The following MRPL28 variants were observed in gnomAD, a reference collection of about 807,000 sequenced individuals.
The protein encoded by MRPL28 is large ribosomal subunit protein bL28m.
MRPL28 carries 25 observed loss-of-function variants against 26.2 expected under a neutral mutation model. The observed-to-expected ratio is 0.95, with a 90% CI of 0.69 to 1.33. The LOEUF is 1.33. Among genes scored for constraint, MRPL28 ranks in the 40% most tolerant of loss-of-function variants. MRPL28 has a pLI of 0.00. For synonymous variants in MRPL28, 227 were observed against 140.1 expected, an observed-to-expected ratio of 1.62 and a Z score of -4.38; for missense variants, 432 against 327.2, an observed-to-expected ratio of 1.32 and a Z score of -2.47.
Position 370,207 on chromosome 16 carries a change from G to A in MRPL28, c.12C>T (p.His4=), listed in dbSNP as rs779957616. 2 of 1,585,870 alleles carry A rather than the reference G, an allele frequency of 1.3e-6. No homozygotes were observed. Among genetic ancestry groups the A allele is most frequent in the African/African-American group, 2.7e-5 (2 of 74,350 alleles). ...GCTTCCAGAGCCACACGGGATACTT[G>A]TGTAGAGGCATCGCGAGCCTGGCGG... MPL[H]KYPVWLWKRL... The change falls in exon 2 of 6, where the codon CAC becomes CAT. Residue 4 remains histidine, a synonymous_variant. Coordinates refer to ENST00000199706, the MANE Select transcript of MRPL28 (RefSeq NM_006428.5).
rs780291007 is a variant in MRPL28, at chr16:367,720, T to C, written c.726A>G (p.Ala242=). 69 of 1,613,856 alleles carry C rather than the reference T, an allele frequency of 4.3e-5. No homozygotes were observed. Among genetic ancestry groups the C allele is most frequent in the Non-Finnish European group, 5.7e-5 (67 of 1,180,020 alleles). ...TCTGCACCACCGCCGGCTCTGACAGTGCCTGCTGCTGCAGCTGCTGGATCA... is the reference window on the plus strand; with the variant it reads ...TCTGCACCACCGCCGGCTCTGACAGCGCCTGCTGCTGCAGCTGCTGGATCA... ...AELIQQLQQQ[A]LSEPAVVQKR... is the part of the protein sequence containing the mutation. Residue 242 remains alanine (A), a synonymous_variant, in exon 6 of 6, where the codon GCA becomes GCG. Transcript: ENST00000199706.
In MRPL28 at chr16:368,629, T is replaced by C. The variant is rs1477264286; in HGVS notation, c.448A>G (p.Lys150Glu). The part of the protein sequence containing the change: ...GLDFYILKTP[K>E]EDLCSKFGMD... ...CCAAACTTGGAGCACAGGTCCTCCTTCGGGGTCTGGCAGAAGGCTCACATG... is the reference window on the plus strand; with the variant it reads ...CCAAACTTGGAGCACAGGTCCTCCTCCGGGGTCTGGCAGAAGGCTCACATG... Residue 150 changes from lysine to glutamate, a missense_variant, in exon 4 of 6, where the codon AAG becomes GAG. Lys to Glu is a moderately conservative substitution (Grantham distance 56). Coordinates refer to ENST00000199706, the MANE Select transcript of MRPL28 (RefSeq NM_006428.5). The C allele has an allele frequency of 7.1e-6, 11 of 1,555,762 alleles. No homozygotes were observed. The African/African-American group carries it at 1.5e-4, about 21-fold the overall frequency.
Position 367,741 on chromosome 16 carries a change from G to C in MRPL28, c.705C>G (p.Ile235Met). 1.2e-6 allele frequency: 2 copies of C among 1,613,854 alleles called. No homozygotes were observed. Among genetic ancestry groups the C allele is most frequent in the Middle Eastern group, 1.6e-4 (1 of 6,062 alleles). ...ACAGTGCCTGCTGCTGCAGCTGCTG[G>C]ATCAGCTCCGCCACATAGATCTTGA... is the stretch of plus-strand genomic sequence containing the variant. Reference protein sequence around the residue: ...PLFKIYVAELIQQLQQQALSE... With the variant: ...PLFKIYVAELMQQLQQQALSE... Residue 235 changes from isoleucine (I) to methionine (M), a missense_variant, in exon 6 of 6, where the codon ATC becomes ATG. Coordinates refer to ENST00000199706, the MANE Select transcript of MRPL28 (RefSeq NM_006428.5).
Position 367,299 on chromosome 16 carries a change from G to A in MRPL28, c.*376C>T, listed in dbSNP as rs188853867. On this transcript the variant is annotated 3_prime_UTR_variant, in exon 6 of 6. Coordinates refer to ENST00000199706, the MANE Select transcript of MRPL28 (RefSeq NM_006428.5). ...GGGCACAGCCAGAGTCAATGCCCAC[G>A]GCTCATCCGAGGTCTCAGGGGCAGC... The A allele has an allele frequency of 4.3e-4, 260 of 601,696 alleles. No homozygotes were observed. Among genetic ancestry groups the A allele is most frequent in the Admixed American group, 2.0e-3 (68 of 34,436 alleles). The allele number at this position is 601,696 out of a possible 1,614,324, so 37.3% of individuals were successfully genotyped here.
At chr16:369,744 A>C in intron 2 of MRPL28, 187 bp downstream of exon 2, 1 of 826,940 alleles carries the variant, frequency 1.2e-6, no homozygotes, top group Non-Finnish European at 2.0e-6. Context: ...CCTCACCCCT[A>C]CTTTATCAGT....
intron 2 of MRPL28, chr16:369,426 C>T: frequency 3.1e-6 from 2 of 645,212 alleles, no homozygotes; most frequent in Non-Finnish European, 5.4e-6. Flanking sequence ...CAGAAGTCAG[C>T]TGCTCCCCAA....
Position 367,622 on chromosome 16 carries a change from G to A in MRPL28, c.*53C>T, listed in dbSNP as rs2054271039. Reference sequence around the variant, plus strand: ...CCGGGATCTGTGTCCTCAGTGCAAAGGGCCTGGCAGGGAAAGCTGGGCCTG... The same window carrying A: ...CCGGGATCTGTGTCCTCAGTGCAAAAGGCCTGGCAGGGAAAGCTGGGCCTG... On this transcript the variant is annotated 3_prime_UTR_variant, in exon 6 of 6. Transcript: ENST00000199706. 4 of 1,513,806 alleles carry A rather than the reference G, an allele frequency of 2.6e-6. No individual in the cohort carries two copies. The highest frequency in any genetic ancestry group is 3.7e-6 in the Non-Finnish European group (4 of 1,092,322). 93.8% of individuals were successfully genotyped at this position (1,513,806 alleles called of 1,614,324 possible). A position where few individuals can be genotyped will look rare whatever the true frequency, so the allele number is the denominator to read the frequency against.
chr16:368,942 C>A (rs960176067), intron 3 of MRPL28, 126 bp downstream of exon 3: 6 of 1,259,394 alleles, frequency 4.8e-6, no homozygotes, highest in Non-Finnish European at 6.5e-6. Context: ...GCCCCACTCA[C>A]GCTTTCCCAG....
At chr16:368,069 T>C (rs1212807124) in intron 5 of MRPL28, among the ~76,000 whole-genome samples, 1 of 152,184 alleles carries the variant, frequency 6.6e-6, no homozygotes, top group Non-Finnish European at 1.5e-5. Context: ...CTCCAGACCC[T>C]GGGATGCTGG....
Position 368,342 on chromosome 16 carries a change from G to T in MRPL28, c.649C>A (p.Leu217Ile), listed in dbSNP as rs555120755. 2 of 1,613,644 alleles carry T rather than the reference G, an allele frequency of 1.2e-6. No homozygotes were observed. The highest frequency in any genetic ancestry group is 2.2e-5 in the South Asian group (2 of 91,082). The change falls in exon 5 of 6, where the codon CTT (leucine) becomes ATT (isoleucine). Residue 217 changes from leucine (L) to isoleucine (I), a missense_variant. Leu to Ile is a conservative substitution (Grantham distance 5). Transcript: ENST00000199706. ...TLEEAIEKQRLLEEKDPVPLF... is the reference protein window; with the variant it reads ...TLEEAIEKQRILEEKDPVPLF... ...CACACACTCACCTTCTCCTCCAAAA[G>T]TCTCTGCTTCTCAATGGCCTCCTCC...
At position 367,430 on chromosome 16, in the gene MRPL28, G is replaced by A. The variant is rs1317484453; in HGVS notation, c.*245C>T. On this transcript the variant is annotated 3_prime_UTR_variant, in exon 6 of 6. Transcript: ENST00000199706. ...AGACTTTACTCGCTCCCGGCCCCACGGGCACAAGGAACACTGCCGCAAACG... is the reference window on the plus strand; with the variant it reads ...AGACTTTACTCGCTCCCGGCCCCACAGGCACAAGGAACACTGCCGCAAACG... The A allele has an allele frequency of 1.8e-5, 13 of 713,200 alleles. No homozygotes were observed. Among genetic ancestry groups the A allele is most frequent in the Admixed American group, 1.0e-4 (5 of 49,806 alleles). The allele number at this position is 713,200 out of a possible 1,614,324, so 44.2% of individuals were successfully genotyped here. A position where few individuals can be genotyped will look rare whatever the true frequency, so the allele number is the denominator to read the frequency against.
chr16:368,982 C>A, intron 3 of MRPL28, 86 bp downstream of exon 3: 1 of 1,486,174 alleles, frequency 6.7e-7, no homozygotes, highest in South Asian at 1.3e-5. Context: ...TCAGCGTGCC[C>A]CGGTGTGATG....
chr16:369,745 C>CT (rs1248306882), intron 2 of MRPL28, 186 bp downstream of exon 2: 1 of 846,200 alleles, frequency 1.2e-6, no homozygotes, highest in African/African-American at 1.7e-5. Flanking sequence ...CTCACCCCTA[C>CT]TTTATCAGTC....
chr16:369,661 G>C (rs762964143), intron 2 of MRPL28: 13 of 682,884 alleles, frequency 1.9e-5, no homozygotes, highest in Non-Finnish European at 3.5e-5. Flanking sequence ...TCATCACACA[G>C]GCCTCCTCCC....
chr16:369,865 C>G, intron 2 of MRPL28, 66 bp downstream of exon 2: 2 of 1,544,764 alleles, frequency 1.3e-6, no homozygotes, highest in Non-Finnish European at 1.7e-6. Context: ...GTACCCCGGG[C>G]GTCCGGCACA....
chr16:369,367 CCCCCAGCCCAG>C (rs1324041278), intron 2 of MRPL28, 147 bp from the exon 3 acceptor site: 1 of 1,067,348 alleles, frequency 9.4e-7, no homozygotes, highest in Non-Finnish European at 1.3e-6. Context: ...ACTGGGCCGG[CCCCCAGCCCAG>C]TGCCGCCCCA....
chr16:369,336 C>A, intron 2 of MRPL28, 116 bp from the exon 3 acceptor site: 2 of 1,346,478 alleles, frequency 1.5e-6, no homozygotes, highest in South Asian at 1.4e-5. Flanking sequence ...CCACTGCTGT[C>A]AGACTGGGGA....
chr16:369,821 C>T, intron 2 of MRPL28, 110 bp downstream of exon 2: 1 of 1,363,624 alleles, frequency 7.3e-7, no homozygotes, highest in Non-Finnish European at 1.0e-6. Context: ...CGCCTCCAGG[C>T]TGTAATCCCC....
In MRPL28 at chr16:368,372, T is replaced by C. The variant is rs2054280435; in HGVS notation, c.619A>G (p.Thr207Ala). ...TGCTTCTCAATGGCCTCCTCCAGCGTGAGGCCCACCCACTCTGCCTCCTCC... is the reference window on the plus strand; with the variant it reads ...TGCTTCTCAATGGCCTCCTCCAGCGCGAGGCCCACCCACTCTGCCTCCTCC... Reference protein sequence around the residue: ...PEEEAEWVGLTLEEAIEKQRL... With the variant: ...PEEEAEWVGLALEEAIEKQRL... Residue 207 changes from threonine (T) to alanine (A), a missense_variant, in exon 5 of 6, where the codon ACG (threonine) becomes GCG (alanine). Coordinates refer to ENST00000199706, the MANE Select transcript of MRPL28 (RefSeq NM_006428.5). The C allele has an allele frequency of 6.2e-7, 1 of 1,613,714 alleles. No homozygotes were observed. Among genetic ancestry groups the C allele is most frequent in the Non-Finnish European group, 8.5e-7 (1 of 1,180,006 alleles).
Sources: gnomAD v4.1 joint callset for allele counts (sites outside exome capture counted in the v4.1 genomes callset) on GRCh38, gnomAD v4.1.1 for gene constraint, MANE v1.5 for transcripts, NCBI Gene and HGNC (gene_info 2026-07-23, HGNC 2026-07-21) for gene names.